SNTG1: variants seen among roughly 807,000 people sequenced by gnomAD.
SNTG1 encodes the protein syntrophin gamma 1.
Under a neutral mutation model 74.7 loss-of-function variants are expected in SNTG1, and 39 were observed. The observed-to-expected ratio is 0.52, with a 90% CI of 0.40 to 0.68. The LOEUF is 0.68. Among genes scored for constraint, SNTG1 ranks in the 30% least tolerant of loss-of-function variants. SNTG1 has a pLI of 0.00. For synonymous variants in SNTG1, 254 were observed against 217.1 expected (o/e 1.17, Z -1.49); for missense variants, 685 against 609.5 (o/e 1.12, Z -1.30).
chr8:50,743,470 A>G (rs1563800662), intron 17 of SNTG1, among the ~76,000 whole-genome samples: 1 of 151,900 alleles, frequency 6.6e-6, no homozygotes, highest in Non-Finnish European at 1.5e-5. Context: ...TTTAACAAAA[A>G]AACTTAATAA....
chr8:49,959,978 C>T (rs1810532779), intron 1 of SNTG1, among the ~76,000 whole-genome samples: 1 of 152,116 alleles, frequency 6.6e-6, no homozygotes, highest in Non-Finnish European at 1.5e-5. Context: ...ATAAATTACC[C>T]AAGGTGTTAC....
Position 50,449,068 on chromosome 8 carries a change from A to G in SNTG1, c.220-600A>G, listed in dbSNP as rs570443072. Among the ~76,000 whole-genome samples, 7 of 152,238 alleles carry G rather than the reference A, an allele frequency of 4.6e-5. No individual in the cohort carries two copies. In the East Asian group the frequency reaches 1.2e-3, roughly 25 times the overall value. On this transcript the variant is annotated intron_variant, in intron 5 of 18. Coordinates refer to ENST00000642720, the MANE Select transcript of SNTG1 (RefSeq NM_018967.5). ...AAATAAATACATAAATAAATAAATA[A>G]TAAAAATAGTACTACTTCAATATTC...
chr8:50,404,895 A>C (rs2092852341), intron 4 of SNTG1, among the ~76,000 whole-genome samples: 2 of 151,782 alleles, frequency 1.3e-5, no homozygotes, highest in Non-Finnish European at 2.9e-5. Context: ...TGTAGGTGGA[A>C]TCATACAATA....
chr8:50,073,859 T>G (rs1225892655), intron 1 of SNTG1, among the ~76,000 whole-genome samples: 4 of 151,112 alleles, frequency 2.6e-5, no homozygotes, highest in Admixed American at 2.0e-4. Flanking sequence ...GTCTTAACAG[T>G]GGGCTTAAAA....
intron 1 of SNTG1, among the ~76,000 whole-genome samples, chr8:50,032,920 A>C (rs1411276861): frequency 2.0e-5 from 3 of 152,088 alleles, no homozygotes; most frequent in Non-Finnish European, 4.4e-5. Context: ...ATCCCCAATA[A>C]TCATGCATCA....
In SNTG1 at chr8:50,297,073, G is replaced by C. The variant is rs1434033431; in HGVS notation, c.-27-97139G>C. Among the ~76,000 whole-genome samples the C allele has an allele frequency of 2.0e-5, 3 of 152,058 alleles. No homozygotes were observed. The East Asian group carries it at 5.8e-4, about 29-fold the overall frequency. On this transcript the variant is annotated intron_variant, in intron 2 of 18. Coordinates refer to ENST00000642720, the MANE Select transcript of SNTG1 (RefSeq NM_018967.5). ...TGGCAGTGCCCGGTATATTTTCATG[G>C]TCTTTAATTTCATGGACGTAAATAT... is the stretch of plus-strand genomic sequence containing the variant.
At chr8:50,138,261 GA>G (rs553245273) in intron 1 of SNTG1, among the ~76,000 whole-genome samples, 2 of 148,660 alleles carry the variant, frequency 1.3e-5, no homozygotes, top group Non-Finnish European at 1.5e-5. Context: ...TGTCTGTTCA[GA>G]AAAAAAAACA....
chr8:50,783,896 A>G (rs1373797369), intron 18 of SNTG1, among the ~76,000 whole-genome samples: 1 of 152,224 alleles, frequency 6.6e-6, no homozygotes, highest in African/African-American at 2.4e-5. Context: ...GTGATCTTCT[A>G]TTGGAATTAC....
chr8:49,957,178 G>A (rs1291557570), intron 1 of SNTG1, among the ~76,000 whole-genome samples: 1 of 152,102 alleles, frequency 6.6e-6, no homozygotes, highest in Non-Finnish European at 1.5e-5. Flanking sequence ...ACCCCTAACT[G>A]GTGTTCATGT....
intron 13 of SNTG1, among the ~76,000 whole-genome samples, chr8:50,616,319 G>A (rs374335057): frequency 1.3e-5 from 2 of 152,140 alleles, no homozygotes; most frequent in African/African-American, 2.4e-5. Context: ...AAGAGAAGTC[G>A]GTACTTAGCT....
chr8:50,129,738 C>T (rs1320464375), intron 1 of SNTG1, among the ~76,000 whole-genome samples: 1 of 152,082 alleles, frequency 6.6e-6, no homozygotes, highest in East Asian at 1.9e-4. Context: ...ATTGCAAATA[C>T]AGCAGGAAAA....
intron 1 of SNTG1, among the ~76,000 whole-genome samples, chr8:49,975,336 A>G (rs192075239): frequency 8.5e-5 from 13 of 152,248 alleles, no homozygotes; most frequent in Non-Finnish European, 1.3e-4. Context: ...TTAGAATTTC[A>G]TATTAAGAAT....
chr8:50,621,175 T>C (rs1449843506), intron 13 of SNTG1, among the ~76,000 whole-genome samples: 1 of 152,086 alleles, frequency 6.6e-6, no homozygotes, highest in Non-Finnish European at 1.5e-5. Flanking sequence ...CTCAGATCTT[T>C]CAAGTAAATA....
At chr8:50,371,938 A>G (rs2092278566) in intron 2 of SNTG1, among the ~76,000 whole-genome samples, 1 of 152,158 alleles carries the variant, frequency 6.6e-6, no homozygotes, top group Non-Finnish European at 1.5e-5. Context: ...AATCTCCTGT[A>G]GACGGCATGT....
chr8:50,327,890 C>G (rs2090815475), intron 2 of SNTG1, among the ~76,000 whole-genome samples: 1 of 152,096 alleles, frequency 6.6e-6, no homozygotes, highest in Non-Finnish European at 1.5e-5. Flanking sequence ...GAATCTAAAG[C>G]AACTTCAAAT....
chr8:49,917,485 A>T (rs569113340), intron 1 of SNTG1, among the ~76,000 whole-genome samples: 15 of 152,300 alleles, frequency 9.8e-5, no homozygotes, highest in South Asian at 4.1e-4. Flanking sequence ...TCTGATGTCC[A>T]CTGCAGTGTG....
intron 1 of SNTG1, among the ~76,000 whole-genome samples, chr8:50,142,012 A>T (rs2131471063): frequency 6.6e-6 from 1 of 152,262 alleles, no homozygotes; most frequent in East Asian, 1.9e-4. Context: ...TTGCAAAATC[A>T]GCTCACACTC....
At chr8:50,480,493 G>T (rs1328399168) in intron 8 of SNTG1, among the ~76,000 whole-genome samples, 3 of 152,164 alleles carry the variant, frequency 2.0e-5, no homozygotes, top group Admixed American at 2.0e-4. Context: ...AGCTGCTCAG[G>T]CTAATTAACA....
chr8:50,659,612 T>C (rs1249225415), intron 15 of SNTG1, among the ~76,000 whole-genome samples: 1 of 152,196 alleles, frequency 6.6e-6, no homozygotes, highest in Non-Finnish European at 1.5e-5. Flanking sequence ...AAGCTGAAGT[T>C]CTCTGAAGTG....
Sources: gnomAD v4.1 joint callset for allele counts (sites outside exome capture counted in the v4.1 genomes callset) on GRCh38, gnomAD v4.1.1 for gene constraint, MANE v1.5 for transcripts, NCBI Gene and HGNC (gene_info 2026-07-23, HGNC 2026-07-21) for gene names.